Variants in EPHA4 observed in about 807,000 individuals in gnomAD.
The protein encoded by EPHA4 is EPH receptor A4.
In EPHA4, 19 loss-of-function variants were observed where a neutral mutation model predicts 108.3. That is an observed-to-expected ratio of 0.18 (90% confidence interval 0.12 to 0.26). EPHA4 has a LOEUF of 0.26. Among genes scored for constraint, EPHA4 ranks in the 10% least tolerant of loss-of-function variants. EPHA4 has a pLI of 1.00. For synonymous variants in EPHA4, 449 were observed against 455.5 expected (o/e 0.99, Z 0.18); for missense variants, 917 against 1,254.0 (o/e 0.73, Z 4.06).
chr2:221,505,394 C>T (rs1692598105), intron 3 of EPHA4, among the ~76,000 whole-genome samples: 1 of 152,034 alleles, frequency 6.6e-6, no homozygotes, highest in South Asian at 2.1e-4. Context: ...GGTGTGGCCT[C>T]AGCTCACTGC....
intron 2 of EPHA4, among the ~76,000 whole-genome samples, chr2:221,566,875 AAGGAGAAGGAGAAGG>A (rs1694658566): frequency 9.0e-5 from 2 of 22,266 alleles, no homozygotes; most frequent in East Asian, 2.9e-3. Context: ...GAAGAAGAAG[AAGGAGAAGGAGAAGG>A]AGAAGGAGAA....
At chr2:221,457,770 G>C in intron 6 of EPHA4, 96 bp downstream of exon 6, 1 of 1,270,900 alleles carries the variant, frequency 7.9e-7, no homozygotes, top group Admixed American at 2.1e-5. Flanking sequence ...GAAAAGAAGA[G>C]AGGGAGGGAG....
At chr2:221,477,019 T>G (rs1691673753) in intron 5 of EPHA4, among the ~76,000 whole-genome samples, 2 of 151,616 alleles carry the variant, frequency 1.3e-5, no homozygotes, top group South Asian at 4.2e-4. Flanking sequence ...CACAGTGGCA[T>G]TATAATGAGG....
chr2:221,463,563 C>T (rs767158501), intron 5 of EPHA4, among the ~76,000 whole-genome samples: 5 of 152,174 alleles, frequency 3.3e-5, no homozygotes, highest in Non-Finnish European at 7.3e-5. Context: ...TGGTGCATTT[C>T]ACAAGGAGAA....
At chr2:221,499,745 TATATATA>T (rs1198589213) in intron 4 of EPHA4, among the ~76,000 whole-genome samples, 1,323 of 60,326 alleles carry the variant, frequency 0.022, 15 homozygotes, top group Non-Finnish European at 0.029. Context: ...TATATATATA[TATATATA>T]TATATTTTTT....
intron 3 of EPHA4, among the ~76,000 whole-genome samples, chr2:221,514,748 A>G (rs984379719): frequency 2.0e-5 from 3 of 152,174 alleles, no homozygotes; most frequent in African/African-American, 7.2e-5. Flanking sequence ...AACACAAACG[A>G]TGGGTGAAAA....
intron 14 of EPHA4, among the ~76,000 whole-genome samples, chr2:221,431,125 A>T (rs898464593): frequency 6.6e-6 from 1 of 152,242 alleles, no homozygotes; most frequent in Non-Finnish European, 1.5e-5. Context: ...ATAGAGGAGA[A>T]CTACTTCACA....
intron 13 of EPHA4, 87 bp downstream of exon 13, chr2:221,436,312 A>G: frequency 5.4e-6 from 7 of 1,304,260 alleles, no homozygotes; most frequent in Non-Finnish European, 7.4e-6. Flanking sequence ...AAAAAATAAA[A>G]AAATTACAAA....
At chr2:221,538,914 T>C (rs1313376821) in intron 3 of EPHA4, among the ~76,000 whole-genome samples, 1 of 152,246 alleles carries the variant, frequency 6.6e-6, no homozygotes, top group Admixed American at 6.5e-5. Context: ...CTCTATGTAC[T>C]GTATTGTTTT....
In EPHA4 at chr2:221,571,349, C is replaced by A. The variant is rs1473337761; in HGVS notation, c.91+809G>T. On this transcript the variant is annotated intron_variant, in intron 1 of 17. Transcript: ENST00000281821. This position sits in a 1 kb window ranked among gnomAD's most constrained non-coding sequence, Gnocchi z 6.3. ...GCCCCGCCCCACCTCCCGACACAGA[C>A]ACACAGGCACATACAATCCTCCCAG... Among the ~76,000 whole-genome samples the A allele has an allele frequency of 4.4e-5, 6 of 137,722 alleles. No homozygotes were observed. The Admixed American group carries it at 4.5e-4, about 10-fold the overall frequency. The allele number at this position is 137,722 out of a possible 152,430, so 90.4% of individuals were successfully genotyped here.
intron 3 of EPHA4, among the ~76,000 whole-genome samples, chr2:221,512,537 C>T (rs1407737079): frequency 6.6e-6 from 1 of 152,060 alleles, no homozygotes; most frequent in Non-Finnish European, 1.5e-5. Flanking sequence ...TTTTCTTCAC[C>T]CTTTGATATT....
chr2:221,474,422 TAA>T (rs35346087), intron 5 of EPHA4, among the ~76,000 whole-genome samples: 6 of 143,936 alleles, frequency 4.2e-5, no homozygotes, highest in African/African-American at 1.0e-4. Flanking sequence ...GACTGTTTCT[TAA>T]AAAAAAAAAA....
At chr2:221,424,873 A>C in intron 17 of EPHA4, among the ~76,000 whole-genome samples, 1 of 152,196 alleles carries the variant, frequency 6.6e-6, no homozygotes, top group East Asian at 1.9e-4. Context: ...GATAATAAAT[A>C]TGTGTACCAT....
intron 5 of EPHA4, among the ~76,000 whole-genome samples, chr2:221,473,547 T>G (rs1691557008): frequency 1.8e-5 from 1 of 56,722 alleles, no homozygotes; most frequent in South Asian, 8.0e-4. Context: ...TCAAGGTGTT[T>G]AAAGGAAAAA....
intron 3 of EPHA4, among the ~76,000 whole-genome samples, chr2:221,522,498 G>A (rs1219151610): frequency 1.3e-5 from 2 of 152,012 alleles, no homozygotes; most frequent in Non-Finnish European, 2.9e-5. Flanking sequence ...TTCTTGACAC[G>A]ACACCACTCA....
intron 2 of EPHA4, among the ~76,000 whole-genome samples, chr2:221,568,008 G>A (rs560437472): frequency 6.6e-6 from 1 of 152,324 alleles, no homozygotes; most frequent in Non-Finnish European, 1.5e-5. Flanking sequence ...GGAGAATGTG[G>A]CCGTTGACCT....
intron 3 of EPHA4, among the ~76,000 whole-genome samples, chr2:221,506,530 C>T (rs556791507): frequency 2.2e-4 from 33 of 152,268 alleles, no homozygotes; most frequent in East Asian, 7.7e-4. Flanking sequence ...TAAACTAATA[C>T]GCTATAGATC....
chr2:221,502,979 T>C (rs1692524424), intron 3 of EPHA4, among the ~76,000 whole-genome samples: 1 of 152,164 alleles, frequency 6.6e-6, no homozygotes, highest in Admixed American at 6.5e-5. Context: ...TGCAAGGTGC[T>C]TTTTTGGTCA....
Position 221,419,698 on chromosome 2 carries a change from A to C in EPHA4, c.*1674T>G, listed in dbSNP as rs1689693710. The stretch of plus-strand genomic sequence containing the variant: ...CATTAAGGTGAAAATGCCTCTGTCC[A>C]AAGCTGTAGAATTCTTATTAAGGTT... On this transcript the variant is annotated 3_prime_UTR_variant, in exon 18 of 18. Coordinates refer to ENST00000281821, the MANE Select transcript of EPHA4 (RefSeq NM_004438.5). The C allele has an allele frequency of 2.0e-5, 3 of 152,514 alleles. No individual in the cohort carries two copies. The highest frequency in any genetic ancestry group is 2.0e-4 in the Admixed American group (3 of 15,284). The allele number at this position is 152,514 out of a possible 1,614,324, so 9.4% of individuals were successfully genotyped here. A position where few individuals can be genotyped will look rare whatever the true frequency, so the allele number is the denominator to read the frequency against.
Sources: gnomAD v4.1 joint callset for allele counts (sites outside exome capture counted in the v4.1 genomes callset) on GRCh38, gnomAD v4.1.1 for gene constraint, Gnocchi (gnomAD v3.1) non-coding constraint, MANE v1.5 for transcripts, NCBI Gene and HGNC (gene_info 2026-07-23, HGNC 2026-07-21) for gene names.